Variants in PCDHGA4 observed in about 807,000 individuals in gnomAD.
PCDHGA4 encodes the protein protocadherin gamma-A4.
Under a neutral mutation model 54.6 loss-of-function variants are expected in PCDHGA4, and 38 were observed. That is an observed-to-expected ratio of 0.70 (90% CI 0.54 to 0.91). PCDHGA4 has a LOEUF of 0.91. Among genes scored for constraint, PCDHGA4 ranks in the 40% least tolerant of loss-of-function variants. PCDHGA4 has a pLI of 0.00. For missense variants in PCDHGA4, 1,298 were observed against 1,220.9 expected, an observed-to-expected ratio of 1.06 and a Z score of -0.94; for synonymous variants, 511 against 512.9, an observed-to-expected ratio of 1.00 and a Z score of 0.05.
At chr5:141,374,580 C>T (rs745902303) in intron 1 of PCDHGA4, 1 of 1,613,706 alleles carries the variant, frequency 6.2e-7, no homozygotes, top group Non-Finnish European at 8.5e-7. Context: ...GGAATGAACT[C>T]CCTTCAGGGA....
chr5:141,395,107 A>G (rs2093174446), intron 1 of PCDHGA4: 1 of 1,614,212 alleles, frequency 6.2e-7, no homozygotes, highest in African/African-American at 1.3e-5. Context: ...GACTCGCGGA[A>G]GAGTCACCTG....
Position 141,476,023 on chromosome 5 carries a change from G to A in PCDHGA4, c.2515-18784G>A. 1 of 1,415,690 alleles carries A rather than the reference G, an allele frequency of 7.1e-7. No homozygotes were observed. The highest frequency in any genetic ancestry group is 2.3e-5 in the Admixed American group (1 of 43,980). 87.7% of individuals were successfully genotyped at this position (1,415,690 alleles called of 1,614,324 possible). A position where few individuals can be genotyped will look rare whatever the true frequency, so the allele number is the denominator to read the frequency against. ...CATCCAGAAAGCCATGTCGGACTCG[G>A]CGCCCAGCGCCCAAGCGCTAACCCG... On this transcript the variant is annotated intron_variant, in intron 1 of 3. Coordinates refer to ENST00000571252, the MANE Select transcript of PCDHGA4 (RefSeq NM_018917.4). This position sits in a 1 kb window ranked among gnomAD's most constrained non-coding sequence, Gnocchi z 7.6.
At chr5:141,465,714 C>T (rs1015102102) in intron 1 of PCDHGA4, among the ~76,000 whole-genome samples, 4 of 152,200 alleles carry the variant, frequency 2.6e-5, no homozygotes, top group Non-Finnish European at 5.9e-5. Context: ...AATGCCACCA[C>T]TTCCACCTCT....
At chr5:141,371,667 A>G in intron 1 of PCDHGA4, 1 of 1,614,022 alleles carries the variant, frequency 6.2e-7, no homozygotes, top group Non-Finnish European at 8.5e-7. Flanking sequence ...GATCACAGCT[A>G]CCGACAAAGG....
At chr5:141,472,412 G>C (rs1283620276) in intron 1 of PCDHGA4, among the ~76,000 whole-genome samples, 1 of 152,058 alleles carries the variant, frequency 6.6e-6, no homozygotes, top group Non-Finnish European at 1.5e-5. Context: ...GTGGTGGCAC[G>C]CACCTGTATC....
intron 1 of PCDHGA4, chr5:141,392,605 C>CAA: frequency 1.9e-6 from 1 of 514,610 alleles, no homozygotes; most frequent in Non-Finnish European, 3.4e-6. Context: ...TACTGGAAGA[C>CAA]AAATGCAACC....
chr5:141,485,762 G>A lies in PCDHGA4; in HGVS notation c.2515-9045G>A, dbSNP rs774145313. 3.1e-6 allele frequency: 5 copies of A among 1,614,226 alleles called. No homozygotes were observed. The highest frequency in any genetic ancestry group is 3.3e-5 in the Admixed American group (2 of 60,030). ...CAGCCTGGTCCCAGAGCTGCTCCTG[G>A]AGAAGCCTTTGGATCGAGAGAAGCA... On this transcript the variant is annotated intron_variant, in intron 1 of 3. Transcript: ENST00000571252. The surrounding 1 kb of genome is among the most constrained non-coding windows in gnomAD (Gnocchi z 5.7).
intron 2 of PCDHGA4, 57 bp downstream of exon 2, chr5:141,494,922 C>G: frequency 6.2e-7 from 1 of 1,613,670 alleles, no homozygotes; most frequent in Admixed American, 1.7e-5. Context: ...TCAGGGATGA[C>G]GTGGGAGGAG....
chr5:141,370,460 C>T (rs373931690), intron 1 of PCDHGA4: 1 of 1,612,562 alleles, frequency 6.2e-7, no homozygotes, highest in Non-Finnish European at 8.5e-7. Context: ...TCTTCCTGCT[C>T]TCTTTGTTAG....
intron 1 of PCDHGA4, chr5:141,390,426 T>C: frequency 9.8e-7 from 1 of 1,021,884 alleles, no homozygotes; most frequent in Non-Finnish European, 1.4e-6. Flanking sequence ...TAAAAAGCTG[T>C]CATATCATTC....
At chr5:141,358,180 C>A (rs769870825) in intron 1 of PCDHGA4, among the ~76,000 whole-genome samples, 15 of 152,104 alleles carry the variant, frequency 9.9e-5, no homozygotes, top group Non-Finnish European at 1.9e-4. Context: ...ACAGAGCAAG[C>A]CTCTGTCTCC....
At chr5:141,471,654 G>A (rs1235665796) in intron 1 of PCDHGA4, 2 of 152,044 alleles carry the variant, frequency 1.3e-5, no homozygotes, top group South Asian at 2.1e-4. Flanking sequence ...CTGGATGTGG[G>A]GATGCAGAAA....
chr5:141,507,609 A>G (rs2099862010), intron 3 of PCDHGA4, among the ~76,000 whole-genome samples: 1 of 152,260 alleles, frequency 6.6e-6, no homozygotes, highest in Non-Finnish European at 1.5e-5. Context: ...ATAAACAGGT[A>G]TATTTAGCTG....
chr5:141,452,701 G>A (rs2098747163), intron 1 of PCDHGA4, among the ~76,000 whole-genome samples: 1 of 151,838 alleles, frequency 6.6e-6, no homozygotes, highest in Non-Finnish European at 1.5e-5. Context: ...TGTCAAGAAA[G>A]AAAGGAAGGA....
At position 141,512,903 on chromosome 5, in the gene PCDHGA4, CAA is replaced by C. The variant is rs2099884494; in HGVS notation, c.*1731_*1732del. The C allele has an allele frequency of 6.6e-6, 1 of 152,224 alleles. No individual in the cohort carries two copies. Among genetic ancestry groups the C allele is most frequent in the African/African-American group, 2.4e-5 (1 of 41,452 alleles). 9.4% of individuals were successfully genotyped at this position (152,224 alleles called of 1,614,324 possible). On this transcript the variant is annotated 3_prime_UTR_variant, in exon 4 of 4. Transcript: ENST00000571252. ...CCCCACCCTCTTCCTGTGTCTCACG[CAA>C]GTTTTATACTCTAATATTTATATGG...
At chr5:141,421,407 G>T in intron 1 of PCDHGA4, 1 of 1,614,076 alleles carries the variant, frequency 6.2e-7, no homozygotes. Flanking sequence ...CCCGGGAGCT[G>T]GCGAAGCGCG....
intron 1 of PCDHGA4, chr5:141,478,117 C>G (rs1419172538): frequency 1.3e-5 from 21 of 1,614,058 alleles, no homozygotes; most frequent in Non-Finnish European, 1.7e-5. Context: ...TGTCAGTAAC[C>G]GAGGACTCTC....
chr5:141,376,675 CG>C (rs1228548126), intron 1 of PCDHGA4: 139 of 345,036 alleles, frequency 4.0e-4, no homozygotes, highest in South Asian at 5.8e-4. Context: ...GTGAGGGTAT[CG>C]TTTTTTTTTT....
chr5:141,432,173 GTC>G lies in PCDHGA4; in HGVS notation c.2515-62630_2515-62629del. 6.2e-7 allele frequency: 1 copy of G among 1,614,054 alleles called. No individual in the cohort carries two copies. Among genetic ancestry groups the G allele is most frequent in the Non-Finnish European group, 8.5e-7 (1 of 1,180,018 alleles). Reference sequence around the variant, plus strand: ...GAACAATCCCAGAGGAGTTTCCCTCGTCTCTGTGACCGCCCACGACCCCGACT... The same window carrying G: ...GAACAATCCCAGAGGAGTTTCCCTCGTCTGTGACCGCCCACGACCCCGACT... On this transcript the variant is annotated intron_variant, in intron 1 of 3. Coordinates refer to ENST00000571252, the MANE Select transcript of PCDHGA4 (RefSeq NM_018917.4). This position sits in a 1 kb window ranked among gnomAD's most constrained non-coding sequence, Gnocchi z 6.0.
Sources: allele counts gnomAD v4.1 joint callset (sites outside exome capture counted in the v4.1 genomes callset), GRCh38; gene constraint gnomAD v4.1.1; non-coding constraint Gnocchi (gnomAD v3.1); transcripts MANE v1.5; gene names NCBI Gene and HGNC (gene_info 2026-07-23, HGNC 2026-07-21).